CDH12: variants seen among roughly 807,000 people sequenced by gnomAD.
CDH12 encodes the protein cadherin-12.
A neutral mutation model predicts 74.1 loss-of-function variants in CDH12; 41 were observed. The observed-to-expected ratio is 0.55, with a 90% CI of 0.43 to 0.72. The LOEUF (loss-of-function observed/expected upper bound fraction) is 0.72. CDH12 is among the 30% of genes least tolerant of loss of function. The pLI is 0.00. For synonymous variants in CDH12, 399 were observed against 355.0 expected (o/e 1.12, Z -1.39); for missense variants, 945 against 977.2 (o/e 0.97, Z 0.44).
At chr5:22,686,633 A>G (rs1417620181) in intron 1 of CDH12, among the ~76,000 whole-genome samples, 2 of 152,210 alleles carry the variant, frequency 1.3e-5, no homozygotes, top group African/African-American at 4.8e-5. Context: ...AGAGTTTTTA[A>G]TACTGAACCA....
chr5:22,849,961 A>G (rs1022925850), intron 1 of CDH12, among the ~76,000 whole-genome samples: 2 of 152,090 alleles, frequency 1.3e-5, no homozygotes, highest in Non-Finnish European at 2.9e-5. Flanking sequence ...AGCTAAATTT[A>G]TAAGACTGGT....
chr5:22,254,614 C>A (rs1210799965), intron 3 of CDH12, among the ~76,000 whole-genome samples: 2 of 151,594 alleles, frequency 1.3e-5, no homozygotes, highest in Non-Finnish European at 3.0e-5. Context: ...ACCCCAATGA[C>A]AAAAGTTTAC....
At chr5:22,769,403 C>A (rs1235031220) in intron 1 of CDH12, among the ~76,000 whole-genome samples, 1 of 152,060 alleles carries the variant, frequency 6.6e-6, no homozygotes, top group Non-Finnish European at 1.5e-5. Context: ...GGCCTTTGGG[C>A]TCTTGGATTT....
At chr5:22,153,170 G>A (rs886097443) in intron 4 of CDH12, among the ~76,000 whole-genome samples, 4 of 136,520 alleles carry the variant, frequency 2.9e-5, no homozygotes, top group African/African-American at 7.7e-5. Context: ...TTTTCTTTTC[G>A]TTTTTTTCTT....
intron 3 of CDH12, among the ~76,000 whole-genome samples, chr5:22,318,764 T>C (rs1226638897): frequency 6.6e-6 from 1 of 152,192 alleles, no homozygotes; most frequent in Non-Finnish European, 1.5e-5. Context: ...TGCTTGTATA[T>C]GTACATGTGC....
chr5:22,807,932 TG>T (rs1748900490), intron 1 of CDH12, among the ~76,000 whole-genome samples: 1 of 152,176 alleles, frequency 6.6e-6, no homozygotes, highest in Non-Finnish European at 1.5e-5. Flanking sequence ...ACATTCAATT[TG>T]TAAACAGAAA....
At chr5:22,610,998 G>C (rs919926059) in intron 1 of CDH12, among the ~76,000 whole-genome samples, 3 of 152,002 alleles carry the variant, frequency 2.0e-5, no homozygotes, top group African/African-American at 7.2e-5. Context: ...TCCCCAAACT[G>C]TTACTTTAAT....
chr5:22,014,456 G>A (rs1188407636), intron 5 of CDH12, among the ~76,000 whole-genome samples: 1 of 152,012 alleles, frequency 6.6e-6, no homozygotes, highest in African/African-American at 2.4e-5. Context: ...TAACTCAGAT[G>A]TATGCAAAGG....
chr5:21,827,485 G>A (rs574451171), intron 8 of CDH12, among the ~76,000 whole-genome samples: 58 of 152,178 alleles, frequency 3.8e-4, no homozygotes, highest in Non-Finnish European at 5.9e-5. Flanking sequence ...AGAAAGAAAA[G>A]AAAACTTATT....
chr5:21,920,864 C>A lies in CDH12; in HGVS notation c.526+54227G>T, dbSNP rs576281270. On this transcript the variant is annotated intron_variant, in intron 6 of 14. Transcript: ENST00000382254. ...AACCCAAAAACATTTAGGAAAGTAA[C>A]TGAGTGAAACAGGAATAGTAGTGAG... Among the ~76,000 whole-genome samples, 6 of 152,108 alleles carry A rather than the reference C, an allele frequency of 3.9e-5. No individual in the cohort carries two copies. In the South Asian group the frequency reaches 1.2e-3, roughly 32 times the overall value.
intron 3 of CDH12, among the ~76,000 whole-genome samples, chr5:22,369,102 C>G (rs1253414188): frequency 6.6e-6 from 1 of 152,038 alleles, no homozygotes; most frequent in Non-Finnish European, 1.5e-5. Context: ...GCACTCCAGC[C>G]TGGGCCACAG....
chr5:22,276,567 G>A (rs1328250788), intron 3 of CDH12, among the ~76,000 whole-genome samples: 1 of 152,216 alleles, frequency 6.6e-6, no homozygotes, highest in Non-Finnish European at 1.5e-5. Flanking sequence ...GTTCACTCAT[G>A]TTGAGCAGAA....
intron 1 of CDH12, among the ~76,000 whole-genome samples, chr5:22,804,275 A>G (rs1258190844): frequency 1.3e-5 from 2 of 152,190 alleles, no homozygotes; most frequent in Admixed American, 6.5e-5. Context: ...TCCTATGTTT[A>G]ATATGACTTC....
chr5:22,028,646 T>C (rs1383095768), intron 5 of CDH12, among the ~76,000 whole-genome samples: 1 of 152,200 alleles, frequency 6.6e-6, no homozygotes, highest in Non-Finnish European at 1.5e-5. Context: ...ACCATGCTCA[T>C]GGGTAGGAAG....
intron 1 of CDH12, among the ~76,000 whole-genome samples, chr5:22,671,790 G>GGCCAATA (rs1740911312): frequency 6.6e-6 from 1 of 151,612 alleles, no homozygotes. Context: ...GTGGAAAAGT[G>GGCCAATA]GCCAATAACA....
chr5:21,978,796 T>A (rs945370202), intron 5 of CDH12, among the ~76,000 whole-genome samples: 6 of 152,144 alleles, frequency 3.9e-5, no homozygotes, highest in Admixed American at 3.9e-4. Context: ...TGGGGTTTAT[T>A]TCCTTAAAAT....
chr5:21,880,941 C>A (rs1752323149), intron 6 of CDH12, among the ~76,000 whole-genome samples: 1 of 151,788 alleles, frequency 6.6e-6, no homozygotes, highest in Admixed American at 6.6e-5. Context: ...ACATAGGAAA[C>A]TTCACCTGTG....
In CDH12 at chr5:21,961,496, A is replaced by C. The variant is rs565668620; in HGVS notation, c.526+13595T>G. ...TGCGTTATGGGTTGAATTGTCTGCC[A>C]AAAAAAACATATGTTGAAGTCCTTA... On this transcript the variant is annotated intron_variant, in intron 6 of 14. Coordinates refer to ENST00000382254, the MANE Select transcript of CDH12 (RefSeq NM_004061.5). Among the ~76,000 whole-genome samples, 30 of 151,836 alleles carry C rather than the reference A, an allele frequency of 2.0e-4. No individual in the cohort carries two copies. In the South Asian group the frequency reaches 5.4e-3, roughly 27 times the overall value.
chr5:22,720,167 C>G (rs1298093695), intron 1 of CDH12, among the ~76,000 whole-genome samples: 1 of 152,038 alleles, frequency 6.6e-6, no homozygotes, highest in Non-Finnish European at 1.5e-5. Context: ...GAAGGAGGGA[C>G]CCGGTGGGAG....
Sources: gnomAD v4.1 joint callset for allele counts (sites outside exome capture counted in the v4.1 genomes callset) on GRCh38, gnomAD v4.1.1 for gene constraint, MANE v1.5 for transcripts, NCBI Gene and HGNC (gene_info 2026-07-23, HGNC 2026-07-21) for gene names.